Variants in ADAM10 observed in about 807,000 individuals in gnomAD.
ADAM10 encodes the protein ADAM metallopeptidase domain 10, also known as disintegrin and metalloproteinase domain-containing protein 10.
A neutral mutation model predicts 90.1 loss-of-function variants in ADAM10; 17 were observed. That is an observed-to-expected ratio of 0.19 (90% confidence interval 0.13 to 0.28). The LOEUF (loss-of-function observed/expected upper bound fraction) is 0.28. ADAM10 is among the 10% of genes least tolerant of loss of function. The pLI is 1.00. For synonymous variants in ADAM10, 310 were observed against 298.6 expected, an observed-to-expected ratio of 1.04 and a Z score of -0.40; for missense variants, 610 against 914.3, an observed-to-expected ratio of 0.67 and a Z score of 4.29.
At position 58,709,809 on chromosome 15, in the gene ADAM10, C is replaced by A. The variant is rs549088234; in HGVS notation, c.206+7768G>T. 1.4e-3 allele frequency among the ~76,000 whole-genome samples: 212 copies of A among 152,170 alleles called. 1 individual carries two copies. The highest frequency in any genetic ancestry group is 4.7e-3 in the African/African-American group (195 of 41,514). Reference sequence around the variant, plus strand: ...CAGATATAAGCCTGTTTTAGATTACCTTTTAGAGGAAACAATTTCTCCAAA... The same window carrying A: ...CAGATATAAGCCTGTTTTAGATTACATTTTAGAGGAAACAATTTCTCCAAA... On this transcript the variant is annotated intron_variant, in intron 2 of 15. Coordinates refer to ENST00000260408, the MANE Select transcript of ADAM10 (RefSeq NM_001110.4).
chr15:58,700,138 A>G (rs1898090028), intron 2 of ADAM10, among the ~76,000 whole-genome samples: 3 of 152,208 alleles, frequency 2.0e-5, no homozygotes, highest in Non-Finnish European at 1.5e-5. Context: ...CTGCAATACC[A>G]TAATAGTTGG....
Position 58,676,570 on chromosome 15 carries a change from G to C in ADAM10, c.484+2554C>G, listed in dbSNP as rs189023534. ...AGGGTAGCTTCCACATTTTTAAATG[G>C]TTAAAGAAAAAATCAAAAGAATGAT... On this transcript the variant is annotated intron_variant, in intron 4 of 15. Transcript: ENST00000260408. 5.4e-4 allele frequency among the ~76,000 whole-genome samples: 82 copies of C among 151,980 alleles called. 1 individual carries two copies. The East Asian group carries it at 0.015, about 28-fold the overall frequency.
intron 4 of ADAM10, among the ~76,000 whole-genome samples, chr15:58,670,913 T>C (rs1406318114): frequency 2.0e-5 from 3 of 152,130 alleles, no homozygotes; most frequent in Non-Finnish European, 2.9e-5. Context: ...TAAGAGATAT[T>C]AGCACCATGA....
intron 5 of ADAM10, among the ~76,000 whole-genome samples, chr15:58,647,043 C>G (rs2140697596): frequency 1.3e-5 from 2 of 152,186 alleles, no homozygotes; most frequent in Admixed American, 1.3e-4. Flanking sequence ...GTCAATTCAT[C>G]CATTATACCA....
chr15:58,746,727 G>A (rs1367274292), intron 1 of ADAM10, among the ~76,000 whole-genome samples: 2 of 152,116 alleles, frequency 1.3e-5, no homozygotes, highest in Non-Finnish European at 2.9e-5. Flanking sequence ...CCTGGGCAAC[G>A]TATTAAGACC....
chr15:58,655,711 G>GTATATA (rs1174017303), intron 5 of ADAM10, among the ~76,000 whole-genome samples: 1,156 of 53,472 alleles, frequency 0.022, 27 homozygotes, highest in African/African-American at 0.038. Flanking sequence ...TATATATATA[G>GTATATA]TATATATATA....
chr15:58,731,838 C>T (rs374699401), intron 1 of ADAM10, among the ~76,000 whole-genome samples: 2 of 152,128 alleles, frequency 1.3e-5, no homozygotes, highest in Non-Finnish European at 2.9e-5. Context: ...CATGTGCGGC[C>T]TGGTCTTGAA....
intron 5 of ADAM10, among the ~76,000 whole-genome samples, chr15:58,646,468 G>C (rs1371342415): frequency 2.0e-5 from 3 of 152,018 alleles, no homozygotes; most frequent in Non-Finnish European, 2.9e-5. Flanking sequence ...TCTAAAGCAA[G>C]TTGTATAATA....
chr15:58,694,811 C>CT (rs1344200631), intron 2 of ADAM10, among the ~76,000 whole-genome samples: 4 of 150,664 alleles, frequency 2.7e-5, no homozygotes, highest in Non-Finnish European at 5.9e-5. Context: ...AATGCAGAGT[C>CT]TAATTCCATT....
chr15:58,653,210 C>T (rs1348026943), intron 5 of ADAM10, among the ~76,000 whole-genome samples: 1 of 152,110 alleles, frequency 6.6e-6, no homozygotes, highest in Non-Finnish European at 1.5e-5. Flanking sequence ...CACTTTATTT[C>T]TCTCACTTCT....
intron 2 of ADAM10, chr15:58,691,975 C>T (rs1025859385): frequency 1.6e-5 from 7 of 435,470 alleles, no homozygotes; most frequent in Non-Finnish European, 3.2e-5. Context: ...CATGCCCAGC[C>T]GGCATTTCTT....
chr15:58,691,250 C>T (rs761258806), intron 2 of ADAM10: 5 of 1,002,626 alleles, frequency 5.0e-6, no homozygotes, highest in Non-Finnish European at 7.9e-6. Context: ...TTATCTTCTT[C>T]TCCTCCTCAT....
At chr15:58,719,324 C>G (rs1344494285) in intron 1 of ADAM10, among the ~76,000 whole-genome samples, 1 of 146,206 alleles carries the variant, frequency 6.8e-6, no homozygotes, top group African/African-American at 2.7e-5. Context: ...AATTCCGTCT[C>G]AAAGAAAAAA....
chr15:58,666,206 AATT>A (rs1897080127), intron 4 of ADAM10, among the ~76,000 whole-genome samples: 2 of 150,102 alleles, frequency 1.3e-5, no homozygotes, highest in Non-Finnish European at 3.0e-5. Context: ...TCCCACAGTC[AATT>A]ATTATTATAA....
intron 1 of ADAM10, among the ~76,000 whole-genome samples, chr15:58,742,607 T>C (rs1415942862): frequency 1.3e-5 from 2 of 152,240 alleles, no homozygotes; most frequent in African/African-American, 4.8e-5. Flanking sequence ...GCTATCCTAA[T>C]ACTAACGCAA....
At chr15:58,649,897 T>A (rs1896644674) in intron 5 of ADAM10, among the ~76,000 whole-genome samples, 1 of 152,168 alleles carries the variant, frequency 6.6e-6, no homozygotes, top group South Asian at 2.1e-4. Context: ...TTCTAGGACA[T>A]CAATTACATA....
intron 12 of ADAM10, 139 bp downstream of exon 12, chr15:58,611,669 T>C: frequency 1.3e-6 from 1 of 773,236 alleles, no homozygotes; most frequent in Non-Finnish European, 2.1e-6. Context: ...ACATAATATA[T>C]TCATGGTTTT....
intron 7 of ADAM10, 40 bp downstream of exon 7, chr15:58,643,846 T>A (rs769010990): frequency 7.1e-7 from 1 of 1,415,138 alleles, no homozygotes. Context: ...GTCTGGACTG[T>A]TTCACTTTTT....
intron 1 of ADAM10, among the ~76,000 whole-genome samples, chr15:58,739,683 G>C (rs1468438407): frequency 6.6e-6 from 1 of 152,156 alleles, no homozygotes; most frequent in African/African-American, 2.4e-5. Flanking sequence ...TGCTAGATTA[G>C]AATACCTAAC....
Sources: allele counts gnomAD v4.1 joint callset (sites outside exome capture counted in the v4.1 genomes callset), GRCh38; gene constraint gnomAD v4.1.1; transcripts MANE v1.5; gene names NCBI Gene and HGNC (gene_info 2026-07-23, HGNC 2026-07-21).